The following ARID4B variants were observed in gnomAD, a reference collection of about 807,000 sequenced individuals.
The protein encoded by ARID4B is AT-rich interaction domain 4B, also known as AT-rich interactive domain-containing protein 4B.
ARID4B carries 26 observed loss-of-function variants against 147.5 expected under a neutral mutation model. The observed-to-expected ratio is 0.18, with a 90% CI of 0.13 to 0.24. The LOEUF (loss-of-function observed/expected upper bound fraction) is 0.24, where lower values mean the gene tolerates loss of function less well. ARID4B is among the 10% of genes least tolerant of loss of function. The probability of loss-of-function intolerance (pLI) is 1.00; values close to 1 mark genes in which losing one functional copy is unlikely to be tolerated. For missense variants in ARID4B, 1,179 were observed against 1,511.5 expected, an observed-to-expected ratio of 0.78 and a Z score of 3.65; for synonymous variants, 512 against 507.9, an observed-to-expected ratio of 1.01 and a Z score of -0.11.
chr1:235,223,085 G>GA, intron 13 of ARID4B, 81 bp downstream of exon 13: 3 of 977,454 alleles, frequency 3.1e-6, no homozygotes, highest in Non-Finnish European at 4.5e-6. Context: ...TTGTTGTTTA[G>GA]AAAAACAATT....
intron 2 of ARID4B, among the ~76,000 whole-genome samples, chr1:235,319,590 G>A (rs903401687): frequency 2.0e-5 from 3 of 152,052 alleles, no homozygotes; most frequent in African/African-American, 4.8e-5. Flanking sequence ...ACAAGTGAAA[G>A]GATTGCTCAA....
At chr1:235,249,509 A>G (rs1192728918) in intron 6 of ARID4B, among the ~76,000 whole-genome samples, 1 of 150,572 alleles carries the variant, frequency 6.6e-6, no homozygotes, top group Non-Finnish European at 1.5e-5. Flanking sequence ...ATTTAAACTG[A>G]CTGAGGCTGG....
intron 19 of ARID4B, among the ~76,000 whole-genome samples, chr1:235,189,295 G>A (rs1259640824): frequency 6.6e-6 from 1 of 151,238 alleles, no homozygotes; most frequent in Non-Finnish European, 1.5e-5. Context: ...AGCTACTCGG[G>A]AGGCTGAGGC....
chr1:235,247,322 A>G (rs1669358527), intron 6 of ARID4B, among the ~76,000 whole-genome samples: 1 of 152,226 alleles, frequency 6.6e-6, no homozygotes, highest in Non-Finnish European at 1.5e-5. Context: ...ACTTAGAATT[A>G]AAGAGCAGGC....
rs571355416 is a variant in ARID4B, at chr1:235,311,371, T to C, written c.6+15543A>G. ...TGTCTCAAAACAATAATAATAATAA[T>C]AATAATAATAATAATAATAATAATA... On this transcript the variant is annotated intron_variant, in intron 2 of 23. Coordinates refer to ENST00000264183, the MANE Select transcript of ARID4B (RefSeq NM_016374.6). 2.5e-3 allele frequency among the ~76,000 whole-genome samples: 342 copies of C among 139,118 alleles called. 2 individuals are homozygous for C. The Middle Eastern group carries it at 0.032, about 13-fold the overall frequency. 91.3% of individuals were successfully genotyped at this position (139,118 alleles called of 152,430 possible). A position where few individuals can be genotyped will look rare whatever the true frequency, so the allele number is the denominator to read the frequency against.
intron 2 of ARID4B, among the ~76,000 whole-genome samples, chr1:235,281,346 T>C (rs1572146480): frequency 6.7e-6 from 1 of 150,036 alleles, no homozygotes; most frequent in African/African-American, 2.5e-5. Context: ...AGGTAAGGAG[T>C]TCAAGACTAG....
At chr1:235,239,417 T>C (rs1448799902) in intron 8 of ARID4B, among the ~76,000 whole-genome samples, 1 of 152,252 alleles carries the variant, frequency 6.6e-6, no homozygotes. Context: ...AAGTATCATA[T>C]ATAGCTAATT....
intron 15 of ARID4B, 94 bp downstream of exon 15, chr1:235,220,208 A>G: frequency 1.8e-6 from 2 of 1,118,402 alleles, no homozygotes; most frequent in Non-Finnish European, 2.4e-6. Flanking sequence ...ATAATAAAGA[A>G]TAATATTATA....
At chr1:235,231,997 G>C (rs1027101975) in intron 9 of ARID4B, among the ~76,000 whole-genome samples, 1 of 152,176 alleles carries the variant, frequency 6.6e-6, no homozygotes, top group African/African-American at 2.4e-5. Context: ...GCATGTGCCT[G>C]TAGTCCCAGC....
At chr1:235,277,152 G>C (rs976119663) in intron 2 of ARID4B, among the ~76,000 whole-genome samples, 3 of 152,154 alleles carry the variant, frequency 2.0e-5, no homozygotes, top group Non-Finnish European at 4.4e-5. Context: ...GGGCTGAGGT[G>C]AGAAGATCAC....
intron 2 of ARID4B, among the ~76,000 whole-genome samples, chr1:235,284,086 G>A (rs1371674441): frequency 6.6e-6 from 1 of 152,128 alleles, no homozygotes; most frequent in Non-Finnish European, 1.5e-5. Flanking sequence ...GGCCAGGCCG[G>A]CACAGTGGCT....
rs1014738822 is a variant in ARID4B at position 235,318,424 on chromosome 1, G to A, written c.6+8490C>T. ...CCTGACATCGTGATCCACCCACATC[G>A]GCTTCCCAAAGTGCTGGGATTACAG... On this transcript the variant is annotated intron_variant, in intron 2 of 23. Coordinates refer to ENST00000264183, the MANE Select transcript of ARID4B (RefSeq NM_016374.6). 1.3e-4 allele frequency among the ~76,000 whole-genome samples: 20 copies of A among 151,734 alleles called. 1 individual carries two copies. The highest frequency in any genetic ancestry group is 1.1e-3 in the Admixed American group (16 of 15,230).
In ARID4B at chr1:235,213,985, GCTT is replaced by G. The variant is rs772808423; in HGVS notation, c.1622_1624del (p.Glu541del). 23 of 1,586,618 alleles carry G rather than the reference GCTT, an allele frequency of 1.4e-5. No homozygotes were observed. The East Asian group carries it at 2.2e-4, about 15-fold the overall frequency. ...TTCTTCCTCCTCCTCCTCCTCTTCT[GCTT>G]CTTCATCATCTTCATCTTCTTCTTT... On this transcript the variant is annotated inframe_deletion, in exon 17 of 24. Transcript: ENST00000264183.
chr1:235,181,823 T>C lies in ARID4B; in HGVS notation c.3096A>G (p.Ser1032=). The change falls in exon 20 of 24, where the codon TCA becomes TCG. Residue 1032 remains serine, a synonymous_variant. Coordinates refer to ENST00000264183, the MANE Select transcript of ARID4B (RefSeq NM_016374.6). ...TPPTTPESPS[S]VTVTEGSRQQ... ...GCCGGCTGCCTTCTGTTACAGTGAC[T>C]GATGAAGGCGATTCAGGTGTAGTAG... 6 of 1,614,204 alleles carry C rather than the reference T, an allele frequency of 3.7e-6. No homozygotes were observed. Among genetic ancestry groups the C allele is most frequent in the Non-Finnish European group, 5.1e-6 (6 of 1,180,032 alleles).
intron 2 of ARID4B, among the ~76,000 whole-genome samples, chr1:235,308,798 G>A (rs1186893490): frequency 2.0e-5 from 3 of 152,172 alleles, no homozygotes; most frequent in Non-Finnish European, 4.4e-5. Context: ...CCAGGCTGGA[G>A]TGCAGTGGCG....
chr1:235,181,543 G>A (rs1304753201), intron 20 of ARID4B, 42 bp downstream of exon 20: 1 of 1,577,768 alleles, frequency 6.3e-7, no homozygotes, highest in South Asian at 1.2e-5. Flanking sequence ...CTTTAAGAGG[G>A]GAAACCCTAA....
At chr1:235,227,659 T>C (rs941369220) in intron 11 of ARID4B, among the ~76,000 whole-genome samples, 1 of 152,082 alleles carries the variant, frequency 6.6e-6, no homozygotes, top group Non-Finnish European at 1.5e-5. Flanking sequence ...AAGAGTACCT[T>C]GTCACTGCCA....
chr1:235,210,940 C>T lies in ARID4B; in HGVS notation c.1841+2829G>A, dbSNP rs114487739. Among the ~76,000 whole-genome samples the T allele has an allele frequency of 1.9e-3, 285 of 152,294 alleles. 2 individuals are homozygous for T. The highest frequency in any genetic ancestry group is 3.3e-3 in the Non-Finnish European group (222 of 68,006). On this transcript the variant is annotated intron_variant, in intron 17 of 23. Transcript: ENST00000264183. The stretch of plus-strand genomic sequence containing the variant: ...TTCTCTTTCTTTTAGTCAATCTTTT[C>T]TTAACAAAACAAAGCTATATCTTAA...
intron 17 of ARID4B, among the ~76,000 whole-genome samples, chr1:235,197,905 A>G (rs1665611280): frequency 6.6e-6 from 1 of 152,196 alleles, no homozygotes; most frequent in African/African-American, 2.4e-5. Flanking sequence ...TTTCCTATTA[A>G]TATCGAAAAT....
Sources: gnomAD v4.1 joint callset for allele counts (sites outside exome capture counted in the v4.1 genomes callset) on GRCh38, gnomAD v4.1.1 for gene constraint, MANE v1.5 for transcripts, NCBI Gene and HGNC (gene_info 2026-07-23, HGNC 2026-07-21) for gene names.